Variants in SEMA5A observed in about 807,000 individuals in gnomAD.
SEMA5A encodes semaphorin 5A, also known as semaphorin-5A.
SEMA5A carries 55 observed loss-of-function variants against 135.5 expected under a neutral mutation model. The ratio of observed to expected loss-of-function variants is 0.41; its 90% CI spans 0.33 to 0.51. The LOEUF (loss-of-function observed/expected upper bound fraction) is 0.51, where lower values mean the gene tolerates loss of function less well. Ranked by LOEUF, SEMA5A falls within the 20% of genes least tolerant of loss-of-function variation. The pLI, the probability that SEMA5A is intolerant of heterozygous loss-of-function variation, is 0.37. For synonymous variants in SEMA5A, 580 were observed against 546.5 expected, an observed-to-expected ratio of 1.06 and a Z score of -0.85; for missense variants, 1,290 against 1,419.9, an observed-to-expected ratio of 0.91 and a Z score of 1.47.
chr5:9,066,283 A>T, intron 17 of SEMA5A, 138 bp downstream of exon 17: 1 of 778,500 alleles, frequency 1.3e-6, no homozygotes, highest in Non-Finnish European at 2.2e-6. Flanking sequence ...GTTGTGCTCT[A>T]CAGGGATCAT....
chr5:9,251,755 T>C (rs149903766), intron 5 of SEMA5A, among the ~76,000 whole-genome samples: 1 of 152,212 alleles, frequency 6.6e-6, no homozygotes, highest in Non-Finnish European at 1.5e-5. Context: ...CGGCAAGACA[T>C]ATTGGGAAAG....
chr5:9,526,198 T>C (rs1247715984), intron 1 of SEMA5A, among the ~76,000 whole-genome samples: 1 of 152,222 alleles, frequency 6.6e-6, no homozygotes, highest in Non-Finnish European at 1.5e-5. Context: ...TATTGAAAGG[T>C]AGAGAAGAAT....
chr5:9,117,052 G>A lies in SEMA5A; in HGVS notation c.1925+1946C>T, dbSNP rs114775742. ...CTATCCATCTATTATTTAATTTCACGTTTTCCTCCATTGAGCAAATGCTAA... is the reference window on the plus strand; with the variant it reads ...CTATCCATCTATTATTTAATTTCACATTTTCCTCCATTGAGCAAATGCTAA... On this transcript the variant is annotated intron_variant, in intron 15 of 22. Transcript: ENST00000382496. Among the ~76,000 whole-genome samples, 149 of 152,154 alleles carry A rather than the reference G, an allele frequency of 9.8e-4. 2 individuals are homozygous for A. The highest frequency in any genetic ancestry group is 3.0e-3 in the African/African-American group (126 of 41,518).
At chr5:9,395,326 A>C (rs1756341109) in intron 2 of SEMA5A, among the ~76,000 whole-genome samples, 1 of 152,152 alleles carries the variant, frequency 6.6e-6, no homozygotes, top group South Asian at 2.1e-4. Flanking sequence ...TTCTTTCCAT[A>C]AGTGTTCTCC....
intron 1 of SEMA5A, among the ~76,000 whole-genome samples, chr5:9,489,827 G>C (rs1734915236): frequency 6.6e-6 from 1 of 152,098 alleles, no homozygotes; most frequent in Admixed American, 6.5e-5. Flanking sequence ...TCTGCTTTAA[G>C]TACACTGACT....
rs376237744 is a variant in SEMA5A at position 9,122,804 on chromosome 5, C to A, written c.1633G>T (p.Val545Leu). Residue 545 changes from valine (V) to leucine (L), a missense_variant, in exon 14 of 23, where the codon GTG becomes TTG. Val to Leu is a conservative substitution (Grantham distance 32). Coordinates refer to ENST00000382496, the MANE Select transcript of SEMA5A (RefSeq NM_003966.3). ...RNLTVDGHFG[V>L]WSPWTPCTHT... is the part of the protein sequence containing the mutation. ...GTGCAAGGCGTCCACGGAGACCACA[C>A]ACCAAAGTGCCCATCCACGGTGAGA... 29 of 1,608,490 alleles carry A rather than the reference C, an allele frequency of 1.8e-5. No homozygotes were observed. The highest frequency in any genetic ancestry group is 2.5e-5 in the Non-Finnish European group (29 of 1,176,874).
intron 1 of SEMA5A, among the ~76,000 whole-genome samples, chr5:9,500,191 T>C (rs951772117): frequency 2.1e-4 from 32 of 152,206 alleles, no homozygotes; most frequent in Admixed American, 1.6e-3. Context: ...AGCACCAGTT[T>C]ATAAAGTTTT....
chr5:9,363,502 G>A (rs1457834177), intron 3 of SEMA5A: 1 of 152,166 alleles, frequency 6.6e-6, no homozygotes, highest in East Asian at 1.9e-4. Context: ...GTTCTAGAAG[G>A]TCACATGGTG....
chr5:9,142,685 G>T (rs1742127784), intron 12 of SEMA5A, among the ~76,000 whole-genome samples: 1 of 152,154 alleles, frequency 6.6e-6, no homozygotes, highest in African/African-American at 2.4e-5. Context: ...AACATTATCT[G>T]GCCAGGCACG....
intron 1 of SEMA5A, among the ~76,000 whole-genome samples, chr5:9,536,619 G>GAAA (rs199742682): frequency 7.9e-5 from 11 of 139,552 alleles, no homozygotes; most frequent in Non-Finnish European, 1.2e-4. Flanking sequence ...TCTCAAAAAA[G>GAAA]AAAAAAAAAA....
At chr5:9,506,523 C>A (rs1735888101) in intron 1 of SEMA5A, among the ~76,000 whole-genome samples, 1 of 152,138 alleles carries the variant, frequency 6.6e-6, no homozygotes, top group Non-Finnish European at 1.5e-5. Flanking sequence ...GCTTAATGAA[C>A]AACGAAATAT....
chr5:9,413,383 A>C (rs448038), intron 2 of SEMA5A, among the ~76,000 whole-genome samples: 15,003 of 152,218 alleles, frequency 0.099, 1,125 homozygotes, highest in East Asian at 0.27. Flanking sequence ...GCCTTTGGAA[A>C]GATTTTGAAA....
chr5:9,452,960 T>A (rs1278469533), intron 1 of SEMA5A, among the ~76,000 whole-genome samples: 2 of 152,142 alleles, frequency 1.3e-5, no homozygotes, highest in Non-Finnish European at 2.9e-5. Context: ...AATGACTCAA[T>A]GCCACCAGAC....
intron 3 of SEMA5A, among the ~76,000 whole-genome samples, chr5:9,370,638 T>C (rs1298776508): frequency 3.3e-5 from 5 of 152,198 alleles, no homozygotes; most frequent in African/African-American, 1.2e-4. Flanking sequence ...AAAGTGTTGA[T>C]TAAATTAAAA....
At chr5:9,237,979 A>C in intron 5 of SEMA5A, 89 bp from the exon 6 acceptor site, 2 of 1,127,322 alleles carry the variant, frequency 1.8e-6, no homozygotes, top group Non-Finnish European at 2.7e-6. Flanking sequence ...TGGTAACCAG[A>C]TTAGGAAATA....
At chr5:9,358,969 G>A (rs1239528144) in intron 3 of SEMA5A, among the ~76,000 whole-genome samples, 1 of 152,130 alleles carries the variant, frequency 6.6e-6, no homozygotes, top group African/African-American at 2.4e-5. Flanking sequence ...TGCAAAGACA[G>A]TAGGATGTGG....
chr5:9,169,400 T>C (rs1482200945), intron 11 of SEMA5A, among the ~76,000 whole-genome samples: 1 of 152,192 alleles, frequency 6.6e-6, no homozygotes, highest in African/African-American at 2.4e-5. Flanking sequence ...TGCTTGCTTA[T>C]TAGTCATGGA....
chr5:9,154,446 TCA>T (rs748449471), intron 12 of SEMA5A, 40 bp downstream of exon 12: 8 of 1,594,922 alleles, frequency 5.0e-6, no homozygotes, highest in Non-Finnish European at 6.9e-6. Context: ...GGTGGGCCCT[TCA>T]CACACACACC....
At chr5:9,485,495 A>G (rs1255931823) in intron 1 of SEMA5A, among the ~76,000 whole-genome samples, 1 of 152,188 alleles carries the variant, frequency 6.6e-6, no homozygotes, top group Non-Finnish European at 1.5e-5. Context: ...GAGCAAACGA[A>G]ACAGAAGCTA....
Sources: gnomAD v4.1 joint callset for allele counts (sites outside exome capture counted in the v4.1 genomes callset) on GRCh38, gnomAD v4.1.1 for gene constraint, MANE v1.5 for transcripts, NCBI Gene and HGNC (gene_info 2026-07-23, HGNC 2026-07-21) for gene names.